MAF: variants seen among roughly 807,000 people sequenced by gnomAD.
MAF encodes the protein transcription factor Maf.
MAF carries 10 observed loss-of-function variants against 22.0 expected under a neutral mutation model. That is an observed-to-expected ratio of 0.45 (90% CI 0.28 to 0.77). MAF has a LOEUF of 0.77. MAF is among the 30% of genes least tolerant of loss of function. MAF has a pLI of 0.12. For synonymous variants in MAF, 337 were observed against 255.8 expected, an observed-to-expected ratio of 1.32 and a Z score of -3.03; for missense variants, 544 against 548.4, an observed-to-expected ratio of 0.99 and a Z score of 0.08.
chr16:79,330,568 G>C, the MAF span, among the ~76,000 whole-genome samples: 2 of 152,188 alleles, frequency 1.3e-5, no homozygotes, highest in South Asian at 2.1e-4. Context: ...GCCACCCACA[G>C]GGTGGGGAGG....
chr16:79,524,615 T>C, the MAF span, among the ~76,000 whole-genome samples: 205 of 152,352 alleles, frequency 1.3e-3, no homozygotes, highest in African/African-American at 4.6e-3. Context: ...TTAGTTTGAG[T>C]GTGTGTTTCT....
the MAF span, among the ~76,000 whole-genome samples, chr16:79,372,137 G>C: frequency 0.39 from 57,514 of 147,746 alleles, 12,804 homozygotes; most frequent in Non-Finnish European, 0.52. Context: ...TGTTACTAGA[G>C]ATTCTGGTTT....
At chr16:79,223,265 A>G in the MAF span, among the ~76,000 whole-genome samples, 3 of 152,218 alleles carry the variant, frequency 2.0e-5, no homozygotes, top group Non-Finnish European at 4.4e-5. Flanking sequence ...CTGAATGACT[A>G]CTGGGTAAGT....
chr16:79,255,259 G>A, the MAF span, among the ~76,000 whole-genome samples: 4 of 152,212 alleles, frequency 2.6e-5, no homozygotes, highest in African/African-American at 4.8e-5. Flanking sequence ...TGCCTTTTCT[G>A]TGAAATCACA....
At chr16:79,284,212 C>T in the MAF span, among the ~76,000 whole-genome samples, 1 of 152,178 alleles carries the variant, frequency 6.6e-6, no homozygotes, top group Non-Finnish European at 1.5e-5. Flanking sequence ...CCACCTCCAT[C>T]CGCCTTCTAC....
chr16:79,258,288 G>T, the MAF span, among the ~76,000 whole-genome samples: 2 of 152,228 alleles, frequency 1.3e-5, no homozygotes, highest in African/African-American at 4.8e-5. Context: ...TCTAGAGCAT[G>T]CAGGGTCCGG....
At chr16:79,225,431 C>T in the MAF span, among the ~76,000 whole-genome samples, 1 of 152,130 alleles carries the variant, frequency 6.6e-6, no homozygotes, top group African/African-American at 2.4e-5. Flanking sequence ...CTAGGCAACA[C>T]CATCCAGGTC....
chr16:79,335,719 T>C, the MAF span, among the ~76,000 whole-genome samples: 2 of 152,236 alleles, frequency 1.3e-5, no homozygotes, highest in Non-Finnish European at 2.9e-5. Flanking sequence ...AGGAACCTGC[T>C]GCTGGGGCCG....
At chr16:79,406,718 T>A in the MAF span, among the ~76,000 whole-genome samples, 1 of 152,310 alleles carries the variant, frequency 6.6e-6, no homozygotes, top group Admixed American at 6.5e-5. Flanking sequence ...GATCTGAGAT[T>A]TGACTCTAGT....
At chr16:79,383,287 T>C in the MAF span, among the ~76,000 whole-genome samples, 2 of 152,136 alleles carry the variant, frequency 1.3e-5, no homozygotes. Context: ...GTTGTTCAGA[T>C]GGTTCAACTT....
chr16:79,582,010 T>C (rs1912550894), downstream of MAF, among the ~76,000 whole-genome samples: 1 of 152,192 alleles, frequency 6.6e-6, no homozygotes, highest in African/African-American at 2.4e-5. Flanking sequence ...TTCCTATAGA[T>C]ACAGAAAACA....
At chr16:79,482,971 TC>T in the MAF span, among the ~76,000 whole-genome samples, 6 of 51,748 alleles carry the variant, frequency 1.2e-4, no homozygotes, top group South Asian at 1.5e-3. Flanking sequence ...CCTCTGTCCC[TC>T]CTTCCCTCCC....
At chr16:79,430,658 C>T in the MAF span, among the ~76,000 whole-genome samples, 3 of 152,312 alleles carry the variant, frequency 2.0e-5, no homozygotes, top group South Asian at 4.1e-4. Flanking sequence ...GGAAGCCTGG[C>T]AGGGGAGAGG....
chr16:79,538,225 TA>T, the MAF span, among the ~76,000 whole-genome samples: 1 of 152,158 alleles, frequency 6.6e-6, no homozygotes, highest in Non-Finnish European at 1.5e-5. Context: ...AACAAATAAA[TA>T]GATGAATGAA....
chr16:79,571,388 G>A, the MAF span, among the ~76,000 whole-genome samples: 5 of 151,918 alleles, frequency 3.3e-5, no homozygotes, highest in African/African-American at 7.3e-5. Context: ...GTATGAAAAC[G>A]TCTGATTCAT....
At chr16:79,560,213 T>A in the MAF span, among the ~76,000 whole-genome samples, 1 of 152,132 alleles carries the variant, frequency 6.6e-6, no homozygotes, top group Non-Finnish European at 1.5e-5. Context: ...GGTGCACCAC[T>A]GTACCTGGCC....
chr16:79,298,437 T>C, the MAF span, among the ~76,000 whole-genome samples: 6 of 152,336 alleles, frequency 3.9e-5, no homozygotes, highest in African/African-American at 1.4e-4. Context: ...TCCTGCAAGC[T>C]CCCTTGGCCA....
chr16:79,234,968 C>T, the MAF span, among the ~76,000 whole-genome samples: 14 of 152,116 alleles, frequency 9.2e-5, no homozygotes, highest in African/African-American at 3.1e-4. Context: ...CCAAGGGGAC[C>T]ACTGGTCCAA....
the MAF span, chr16:79,229,551 G>C: frequency 6.6e-6 from 1 of 152,142 alleles, no homozygotes; most frequent in African/African-American, 2.4e-5. Flanking sequence ...AAGATGGGCT[G>C]TGAGCGGGGA....
Sources: gnomAD v4.1 joint callset for allele counts (sites outside exome capture counted in the v4.1 genomes callset) on GRCh38, gnomAD v4.1.1 for gene constraint, MANE v1.5 for transcripts, NCBI Gene and HGNC (gene_info 2026-07-23, HGNC 2026-07-21) for gene names.